TSC22D3: variants seen among roughly 807,000 people sequenced by gnomAD.
The protein encoded by TSC22D3 is TSC22 domain family member 3, also known as TSC22 domain family protein 3.
Under a neutral mutation model 11.1 loss-of-function variants are expected in TSC22D3, and 4 were observed. The ratio of observed to expected loss-of-function variants is 0.36; its 90% CI spans 0.18 to 0.83. The LOEUF is 0.83. Ranked by LOEUF, TSC22D3 falls within the 40% of genes least tolerant of loss-of-function variation. The probability of loss-of-function intolerance (pLI) is 0.48; values close to 1 mark genes in which losing one functional copy is unlikely to be tolerated. For synonymous variants in TSC22D3, 77 were observed against 70.3 expected, an observed-to-expected ratio of 1.10 and a Z score of -0.48; for missense variants, 118 against 159.4, an observed-to-expected ratio of 0.74 and a Z score of 1.40.
At chrX:107,763,970 T>A (rs1490711445) in intron 1 of TSC22D3, among the ~76,000 whole-genome samples, 1 of 112,369 alleles carries the variant, frequency 8.9e-6, no homozygotes, top group Non-Finnish European at 1.9e-5. Flanking sequence ...ATTACCTACA[T>A]GGTATGGCTT....
chrX:107,743,826 G>C (rs1366539526), intron 1 of TSC22D3, among the ~76,000 whole-genome samples: 1 of 111,882 alleles, frequency 8.9e-6, no homozygotes, highest in Non-Finnish European at 1.9e-5. Context: ...TTGTGGGTGA[G>C]GGGGGAATCA....
intron 1 of TSC22D3, among the ~76,000 whole-genome samples, chrX:107,770,169 C>T (rs867432767): frequency 8.9e-6 from 1 of 112,067 alleles, no homozygotes; most frequent in South Asian, 3.7e-4. Context: ...GCGTTGCAAT[C>T]TCTAATACAG....
intron 1 of TSC22D3, among the ~76,000 whole-genome samples, chrX:107,764,439 G>A (rs1929570839): frequency 2.7e-5 from 3 of 111,970 alleles, no homozygotes; most frequent in East Asian, 2.8e-4. Flanking sequence ...AGGATGGAAC[G>A]TTGACCATGA....
intron 1 of TSC22D3, among the ~76,000 whole-genome samples, chrX:107,762,040 G>C (rs895787388): frequency 3.6e-5 from 4 of 111,979 alleles, no homozygotes; most frequent in African/African-American, 9.8e-5. Flanking sequence ...ATTACTATTT[G>C]ATGCCTGTCT....
intron 1 of TSC22D3, among the ~76,000 whole-genome samples, chrX:107,764,081 A>G (rs1407369374): frequency 8.0e-5 from 9 of 112,721 alleles, no homozygotes; most frequent in Non-Finnish European, 1.7e-4. Flanking sequence ...TAGCTCAAAT[A>G]TAACTTCTCC....
chrX:107,725,395 C>T (rs1055698499), intron 1 of TSC22D3, among the ~76,000 whole-genome samples: 1 of 111,340 alleles, frequency 9.0e-6, no homozygotes, highest in African/African-American at 3.3e-5. Context: ...GTGGAATAGG[C>T]GTGGGGCGGG....
At chrX:107,731,192 T>C (rs1244896249) in intron 1 of TSC22D3, among the ~76,000 whole-genome samples, 1 of 111,981 alleles carries the variant, frequency 8.9e-6, no homozygotes, top group Non-Finnish European at 1.9e-5. Context: ...TGCTTATCAG[T>C]GATGTTCAAA....
At chrX:107,721,906 C>A in intron 1 of TSC22D3, 1 of 512,203 alleles carries the variant, frequency 2.0e-6, no homozygotes. Flanking sequence ...GCTGAAATGC[C>A]ATGGTTTAAT....
chrX:107,741,168 G>GC (rs1432479951), intron 1 of TSC22D3, among the ~76,000 whole-genome samples: 1 of 112,417 alleles, frequency 8.9e-6, no homozygotes, highest in African/African-American at 3.2e-5. Context: ...GAACTAGGCA[G>GC]CCCCACTGGC....
In TSC22D3 at chrX:107,761,486, T is replaced by C. The variant is rs1257347168; in HGVS notation, c.320+13614A>G. ...TGGAGGACATAGAATTTTGGAGACA[T>C]GGCCACTGCTGGGGGTCAATTTCAA... On this transcript the variant is annotated intron_variant, in intron 1 of 2. Coordinates refer to ENST00000372383, the MANE Select transcript of TSC22D3 (RefSeq NM_198057.3). Among the ~76,000 whole-genome samples the C allele has an allele frequency of 4.4e-5, 5 of 112,724 alleles. No individual in the cohort carries two copies. The Admixed American group carries it at 4.7e-4, about 11-fold the overall frequency.
intron 1 of TSC22D3, chrX:107,774,807 G>A: frequency 2.7e-6 from 1 of 373,853 alleles, no homozygotes; most frequent in Non-Finnish European, 4.7e-6. Context: ...CATTTGAGGA[G>A]CGGGTACTTT....
chrX:107,716,994 A>G, intron 1 of TSC22D3: 1 of 1,039,096 alleles, frequency 9.6e-7, no homozygotes, highest in Non-Finnish European at 1.2e-6. Flanking sequence ...CTGGAGTTGA[A>G]GGGAAGTGAC....
intron 1 of TSC22D3, among the ~76,000 whole-genome samples, chrX:107,746,499 C>A (rs1928664940): frequency 9.0e-6 from 1 of 111,329 alleles, no homozygotes; most frequent in Non-Finnish European, 1.9e-5. Context: ...CATCCTGACT[C>A]TCCAGGAGTA....
intron 1 of TSC22D3, among the ~76,000 whole-genome samples, chrX:107,720,893 A>G (rs1479290197): frequency 9.0e-6 from 1 of 110,669 alleles, no homozygotes; most frequent in Non-Finnish European, 1.9e-5. Context: ...TGCTGTACCT[A>G]TCCATGATCT....
intron 1 of TSC22D3, among the ~76,000 whole-genome samples, chrX:107,768,080 G>C (rs938280236): frequency 5.3e-5 from 6 of 112,346 alleles, no homozygotes; most frequent in Admixed American, 9.4e-5. Context: ...GCAGATTATG[G>C]CTTTACAGTT....
At chrX:107,767,325 A>G (rs778418166) in intron 1 of TSC22D3, among the ~76,000 whole-genome samples, 2 of 111,392 alleles carry the variant, frequency 1.8e-5, no homozygotes, top group Non-Finnish European at 3.8e-5. Context: ...CAGGAGAGGA[A>G]GGCCAATGGT....
intron 1 of TSC22D3, among the ~76,000 whole-genome samples, chrX:107,768,740 C>T (rs1442148487): frequency 8.9e-6 from 1 of 112,705 alleles, no homozygotes; most frequent in African/African-American, 3.2e-5. Flanking sequence ...TGGGCTGTCA[C>T]CATGACCAGA....
chrX:107,768,765 A>G (rs1318909149), intron 1 of TSC22D3, among the ~76,000 whole-genome samples: 2 of 112,499 alleles, frequency 1.8e-5, no homozygotes, highest in Non-Finnish European at 3.8e-5. Context: ...TGATAAACAA[A>G]TCCATACAAA....
chrX:107,749,817 C>T (rs926136307), intron 1 of TSC22D3, among the ~76,000 whole-genome samples: 4 of 111,365 alleles, frequency 3.6e-5, no homozygotes, highest in African/African-American at 9.8e-5. Context: ...ACAGCCTCGA[C>T]GCTGGAGGAG....
Sources: allele counts gnomAD v4.1 joint callset (sites outside exome capture counted in the v4.1 genomes callset), GRCh38; gene constraint gnomAD v4.1.1; transcripts MANE v1.5; gene names NCBI Gene and HGNC (gene_info 2026-07-23, HGNC 2026-07-21).